Variants in RSF1 observed in about 807,000 individuals in gnomAD.
RSF1 encodes the protein remodeling and spacing factor 1.
Under a neutral mutation model 145.2 loss-of-function variants are expected in RSF1, and 13 were observed. That is an observed-to-expected ratio of 0.09 (90% CI 0.06 to 0.14). The LOEUF is 0.14. Among genes scored for constraint, RSF1 ranks in the 10% least tolerant of loss-of-function variants. The probability of loss-of-function intolerance (pLI) is 1.00; values close to 1 mark genes in which losing one functional copy is unlikely to be tolerated. For synonymous variants in RSF1, 577 were observed against 592.6 expected (o/e 0.97, Z 0.38); for missense variants, 1,517 against 1,718.2 (o/e 0.88, Z 2.07).
intron 1 of RSF1, among the ~76,000 whole-genome samples, chr11:77,811,434 A>G (rs542928913): frequency 1.3e-5 from 2 of 152,226 alleles, no homozygotes; most frequent in Non-Finnish European, 2.9e-5. Context: ...AAAAAGTGTT[A>G]TGAGTACTGT....
chr11:77,865,902 A>G, the RSF1 span, among the ~76,000 whole-genome samples: 1 of 152,202 alleles, frequency 6.6e-6, no homozygotes, highest in East Asian at 1.9e-4. Flanking sequence ...GGCCTGTAGC[A>G]CAAAAACAGG....
At chr11:77,689,070 A>T (rs1960082973) in intron 9 of RSF1, among the ~76,000 whole-genome samples, 1 of 152,222 alleles carries the variant, frequency 6.6e-6, no homozygotes, top group Non-Finnish European at 1.5e-5. Flanking sequence ...TGAAGGTAAA[A>T]TCAGGAGATA....
chr11:77,713,374 A>C (rs999966198), intron 5 of RSF1, among the ~76,000 whole-genome samples: 3 of 151,558 alleles, frequency 2.0e-5, no homozygotes, highest in African/African-American at 7.3e-5. Context: ...ACATTATGGC[A>C]TTTTCTTCTG....
chr11:77,771,686 T>C (rs1948287261), intron 1 of RSF1, among the ~76,000 whole-genome samples: 1 of 152,114 alleles, frequency 6.6e-6, no homozygotes, highest in Non-Finnish European at 1.5e-5. Flanking sequence ...GAAACAAAAT[T>C]GTACTAACGC....
chr11:77,709,492 A>G (rs1960628977), intron 5 of RSF1, among the ~76,000 whole-genome samples: 1 of 152,198 alleles, frequency 6.6e-6, no homozygotes, highest in South Asian at 2.1e-4. Context: ...TGTGTCTAAG[A>G]GTATATGTCA....
intron 5 of RSF1, among the ~76,000 whole-genome samples, chr11:77,724,678 T>C (rs1961011807): frequency 6.6e-6 from 1 of 152,120 alleles, no homozygotes; most frequent in African/African-American, 2.4e-5. Context: ...GATGAAACTG[T>C]TCCACCTCAG....
chr11:77,733,795 C>G (rs1408722801), intron 4 of RSF1, among the ~76,000 whole-genome samples: 1 of 152,182 alleles, frequency 6.6e-6, no homozygotes, highest in Non-Finnish European at 1.5e-5. Context: ...CTGCTGGGTT[C>G]AAGCAAACTG....
chr11:77,811,342 CCCA>C (rs1948729073), intron 1 of RSF1, among the ~76,000 whole-genome samples: 2 of 152,202 alleles, frequency 1.3e-5, no homozygotes, highest in South Asian at 4.1e-4. Context: ...TTTGCTATTA[CCCA>C]CCAATTGCTG....
chr11:77,744,180 C>T (rs535784272), intron 3 of RSF1, among the ~76,000 whole-genome samples: 1 of 152,184 alleles, frequency 6.6e-6, no homozygotes, highest in South Asian at 2.1e-4. Flanking sequence ...AGATATGTGC[C>T]ACTATGCCCA....
At chr11:77,711,113 AC>A (rs893995601) in intron 5 of RSF1, among the ~76,000 whole-genome samples, 66 of 140,350 alleles carry the variant, frequency 4.7e-4, no homozygotes, top group Non-Finnish European at 2.9e-4. Context: ...ACACATAGAC[AC>A]CCCCCCTGAC....
At chr11:77,817,134 T>A (rs1021742096) in intron 1 of RSF1, among the ~76,000 whole-genome samples, 10 of 152,196 alleles carry the variant, frequency 6.6e-5, no homozygotes, top group Non-Finnish European at 2.9e-5. Flanking sequence ...ACCCTCAGTA[T>A]CTCAGTAATT....
At chr11:77,851,955 A>G in the RSF1 span, among the ~76,000 whole-genome samples, 1 of 152,132 alleles carries the variant, frequency 6.6e-6, no homozygotes, top group Non-Finnish European at 1.5e-5. Flanking sequence ...AAATAGAATA[A>G]ACAGTTGCAT....
chr11:77,687,522 A>G (rs1376155768), intron 9 of RSF1, among the ~76,000 whole-genome samples: 3 of 152,026 alleles, frequency 2.0e-5, no homozygotes, highest in Non-Finnish European at 4.4e-5. Context: ...GCTGGCCAAC[A>G]TGGCAAAACC....
At chr11:77,673,955 T>C (rs1471276473) in intron 14 of RSF1, among the ~76,000 whole-genome samples, 2 of 152,114 alleles carry the variant, frequency 1.3e-5, no homozygotes, top group Non-Finnish European at 2.9e-5. Context: ...AATAAACGCA[T>C]AGCCCTGGAA....
chr11:77,869,969 G>A, the RSF1 span: 6 of 624,654 alleles, frequency 9.6e-6, no homozygotes, highest in Non-Finnish European at 1.7e-5. Flanking sequence ...ACATTCCTCT[G>A]CCTCATCAGC....
intron 2 of RSF1, chr11:77,762,313 G>A (rs1374410626): frequency 6.6e-6 from 1 of 152,074 alleles, no homozygotes; most frequent in Non-Finnish European, 1.5e-5. Context: ...CCTTGGTTAA[G>A]CTCAGTTCCT....
At position 77,711,422 on chromosome 11, in the gene RSF1, C is replaced by T. The variant is rs906827861; in HGVS notation, c.734-8927G>A. Among the ~76,000 whole-genome samples the T allele has an allele frequency of 3.3e-5, 5 of 152,300 alleles. No homozygotes were observed. The East Asian group carries it at 9.7e-4, about 29-fold the overall frequency. ...CAGTGGCTCACGCCTGTAATCCCAG[C>T]ACTGTGGAGGCCGAGGCGAGCGGAT... is the stretch of plus-strand genomic sequence containing the variant. On this transcript the variant is annotated intron_variant, in intron 5 of 15. Transcript: ENST00000308488.
intron 1 of RSF1, among the ~76,000 whole-genome samples, chr11:77,809,293 A>C (rs1199028519): frequency 6.6e-6 from 1 of 152,224 alleles, no homozygotes; most frequent in East Asian, 1.9e-4. Context: ...AAGCTCTGAT[A>C]ATTACAACAG....
At chr11:77,688,734 T>C (rs1590830369) in intron 9 of RSF1, among the ~76,000 whole-genome samples, 1 of 152,278 alleles carries the variant, frequency 6.6e-6, no homozygotes, top group South Asian at 2.1e-4. Context: ...AAGACCAGCC[T>C]GGGCAACATA....
Sources: gnomAD v4.1 joint callset for allele counts (sites outside exome capture counted in the v4.1 genomes callset) on GRCh38, gnomAD v4.1.1 for gene constraint, MANE v1.5 for transcripts, NCBI Gene and HGNC (gene_info 2026-07-23, HGNC 2026-07-21) for gene names.